Variants in DOCK4 observed in about 807,000 individuals in gnomAD.
The protein encoded by DOCK4 is dedicator of cytokinesis protein 4.
A neutral mutation model predicts 268.1 loss-of-function variants in DOCK4; 97 were observed. The ratio of observed to expected loss-of-function variants is 0.36; its 90% CI spans 0.31 to 0.43. The LOEUF (loss-of-function observed/expected upper bound fraction) is 0.43. DOCK4 is among the 20% of genes least tolerant of loss of function. The pLI is 1.00. For synonymous variants in DOCK4, 954 were observed against 887.2 expected (o/e 1.08, Z -1.34); for missense variants, 2,145 against 2,455.7 (o/e 0.87, Z 2.67).
At chr7:111,859,090 C>T (rs1384404530) in intron 23 of DOCK4, among the ~76,000 whole-genome samples, 1 of 152,164 alleles carries the variant, frequency 6.6e-6, no homozygotes, top group East Asian at 1.9e-4. Context: ...GCGATCATGG[C>T]TTACTGTATT....
chr7:111,984,651 T>TG (rs917254205), intron 6 of DOCK4, among the ~76,000 whole-genome samples: 1 of 152,206 alleles, frequency 6.6e-6, no homozygotes, highest in Admixed American at 6.5e-5. Flanking sequence ...CTCCTGCCAC[T>TG]GGGGGCCTTA....
At chr7:112,192,012 A>G (rs1205653382) in intron 1 of DOCK4, among the ~76,000 whole-genome samples, 1 of 148,380 alleles carries the variant, frequency 6.7e-6, no homozygotes, top group Non-Finnish European at 1.5e-5. Context: ...TATATAGTAT[A>G]TAACTTAAAC....
intron 1 of DOCK4, among the ~76,000 whole-genome samples, chr7:112,201,659 G>A (rs1488014348): frequency 6.6e-6 from 1 of 152,020 alleles, no homozygotes; most frequent in Non-Finnish European, 1.5e-5. Context: ...GGGGTGGGGA[G>A]GGGGGAGGAA....
intron 1 of DOCK4, among the ~76,000 whole-genome samples, chr7:112,204,387 T>C (rs1336898223): frequency 6.6e-6 from 1 of 152,138 alleles, no homozygotes; most frequent in Non-Finnish European, 1.5e-5. Flanking sequence ...CTGCACTGAG[T>C]GTTAAAGCCG....
At chr7:112,012,240 T>C (rs1801392790) in intron 1 of DOCK4, among the ~76,000 whole-genome samples, 1 of 152,180 alleles carries the variant, frequency 6.6e-6, no homozygotes, top group Non-Finnish European at 1.5e-5. Flanking sequence ...ATTCTGTTAT[T>C]ACAGTTTCTT....
At position 111,728,573 on chromosome 7, in the gene DOCK4, G is replaced by T. The variant is rs1320448695; in HGVS notation, c.5629C>A (p.Gln1877Lys). 6.2e-7 allele frequency: 1 copy of T among 1,614,024 alleles called. No homozygotes were observed. ...AGGGGGGCCGACTGTTCATTCACCT[G>T]ATTTTCAAAGCCTGAGGTTTCCGAC... ...STSETSGFEN[Q>K]VNEQSAPLPV... is the part of the protein sequence containing the mutation. Residue 1877 changes from glutamine (Q) to lysine (K), a missense_variant, in exon 53 of 53, where the codon CAG becomes AAG. Coordinates refer to ENST00000428084, the MANE Select transcript of DOCK4 (RefSeq NM_001363540.2).
chr7:112,132,388 C>G (rs1293642559), intron 1 of DOCK4, among the ~76,000 whole-genome samples: 1 of 151,978 alleles, frequency 6.6e-6, no homozygotes, highest in Non-Finnish European at 1.5e-5. Flanking sequence ...GGAAATTAAC[C>G]AGGAAAAATC....
intron 15 of DOCK4, 150 bp from the exon 16 acceptor site, chr7:111,895,868 G>A: frequency 7.6e-6 from 5 of 654,858 alleles, no homozygotes; most frequent in Non-Finnish European, 1.0e-5. Flanking sequence ...CATCTATATA[G>A]AGCAGCCACC....
chr7:112,074,221 T>G (rs765798872), intron 1 of DOCK4, among the ~76,000 whole-genome samples: 2 of 152,210 alleles, frequency 1.3e-5, no homozygotes, highest in Non-Finnish European at 2.9e-5. Flanking sequence ...CCCAGGCAGA[T>G]GTGGGTGAGT....
At chr7:111,754,287 G>A (rs1796882644) in intron 42 of DOCK4, among the ~76,000 whole-genome samples, 1 of 152,194 alleles carries the variant, frequency 6.6e-6, no homozygotes. Context: ...CTGCTGAATA[G>A]AGTTCAATTT....
At chr7:111,821,183 G>A (rs1801947563) in intron 27 of DOCK4, 1 of 152,110 alleles carries the variant, frequency 6.6e-6, no homozygotes, top group African/African-American at 2.4e-5. Context: ...AAGCCATATT[G>A]AGCATATATA....
intron 1 of DOCK4, among the ~76,000 whole-genome samples, chr7:112,121,564 C>T (rs1563105191): frequency 6.6e-6 from 1 of 152,206 alleles, no homozygotes; most frequent in Admixed American, 6.5e-5. Flanking sequence ...CCCTTCTAGG[C>T]TTCCCACCTA....
chr7:111,734,134 T>C (rs1349899137), intron 51 of DOCK4, among the ~76,000 whole-genome samples: 4 of 151,646 alleles, frequency 2.6e-5, no homozygotes, highest in African/African-American at 9.7e-5. Flanking sequence ...AGAGATGGGG[T>C]TTTGCCATGT....
chr7:112,159,379 C>A (rs981429462), intron 1 of DOCK4, among the ~76,000 whole-genome samples: 1 of 152,098 alleles, frequency 6.6e-6, no homozygotes. Flanking sequence ...GCGTGTCCAC[C>A]ACCTTTATCA....
rs1335277271 is a variant in DOCK4 at position 112,018,578 on chromosome 7, A to G, written c.38-14447T>C. 2.6e-5 allele frequency among the ~76,000 whole-genome samples: 4 copies of G among 152,308 alleles called. No homozygotes were observed. In the East Asian group the frequency reaches 7.7e-4, roughly 29 times the overall value. The stretch of plus-strand genomic sequence containing the variant: ...TAACTTTCTTCTCACTGTAAATTTC[A>G]GAAACTATTGATTCCAGATGTTGTC... On this transcript the variant is annotated intron_variant, in intron 1 of 52. Coordinates refer to ENST00000428084, the MANE Select transcript of DOCK4 (RefSeq NM_001363540.2).
chr7:112,153,652 T>C (rs1014605483), intron 1 of DOCK4, among the ~76,000 whole-genome samples: 1 of 152,178 alleles, frequency 6.6e-6, no homozygotes, highest in African/African-American at 2.4e-5. Context: ...ATGGGTTAAT[T>C]TGGTGGACCA....
chr7:111,915,540 G>C (rs1341498360), intron 13 of DOCK4, among the ~76,000 whole-genome samples: 1 of 151,974 alleles, frequency 6.6e-6, no homozygotes, highest in African/African-American at 2.4e-5. Flanking sequence ...AGAATGTAAA[G>C]ACATTTTTGA....
chr7:112,008,613 T>C (rs115452803), intron 1 of DOCK4, among the ~76,000 whole-genome samples: 233 of 152,334 alleles, frequency 1.5e-3, no homozygotes, highest in African/African-American at 5.2e-3. Context: ...CAAGAACCAA[T>C]GGACATTTTA....
chr7:111,956,522 G>A lies in DOCK4; in HGVS notation c.702-10724C>T, dbSNP rs1414324610. 2.6e-5 allele frequency among the ~76,000 whole-genome samples: 4 copies of A among 152,178 alleles called. No individual in the cohort carries two copies. The East Asian group carries it at 5.8e-4, about 22-fold the overall frequency. ...AAGATTAAGCTGAAAGCTGAGTCAC[G>A]CAAGAAGCTGCCTTTCCTTTTGCTC... On this transcript the variant is annotated intron_variant, in intron 8 of 52. Transcript: ENST00000428084.
Sources: gnomAD v4.1 joint callset for allele counts (sites outside exome capture counted in the v4.1 genomes callset) on GRCh38, gnomAD v4.1.1 for gene constraint, MANE v1.5 for transcripts, NCBI Gene and HGNC (gene_info 2026-07-23, HGNC 2026-07-21) for gene names.